Variants in LRP1B observed in about 807,000 individuals in gnomAD.
LRP1B encodes low-density lipoprotein receptor-related protein 1B.
Under a neutral mutation model 556.6 loss-of-function variants are expected in LRP1B, and 217 were observed. The observed-to-expected ratio is 0.39, with a 90% CI of 0.35 to 0.44. The LOEUF (loss-of-function observed/expected upper bound fraction) is 0.44. Ranked by LOEUF, LRP1B falls within the 20% of genes least tolerant of loss-of-function variation. The pLI, the probability that LRP1B is intolerant of heterozygous loss-of-function variation, is 1.00. For missense variants in LRP1B, 5,053 were observed against 5,620.8 expected (o/e 0.90, Z 3.23); for synonymous variants, 2,047 against 1,865.8 (o/e 1.10, Z -2.50).
chr2:141,241,703 G>A (rs1683883507), intron 5 of LRP1B, among the ~76,000 whole-genome samples: 1 of 151,862 alleles, frequency 6.6e-6, no homozygotes, highest in Non-Finnish European at 1.5e-5. Context: ...TCTGCTTCAG[G>A]CATTGAGCTA....
intron 29 of LRP1B, among the ~76,000 whole-genome samples, chr2:140,848,057 A>G (rs942917897): frequency 6.6e-5 from 10 of 152,082 alleles, no homozygotes; most frequent in Non-Finnish European, 1.2e-4. Context: ...TAATTCACAG[A>G]GCCTTTTGGA....
intron 2 of LRP1B, among the ~76,000 whole-genome samples, chr2:141,641,414 A>G (rs74269535): frequency 6.6e-6 from 1 of 152,212 alleles, no homozygotes; most frequent in African/African-American, 2.4e-5. Flanking sequence ...CTTAAAAAAA[A>G]TTAAACACTA....
intron 2 of LRP1B, among the ~76,000 whole-genome samples, chr2:141,712,365 C>T (rs1692393284): frequency 6.7e-6 from 1 of 149,896 alleles, no homozygotes; most frequent in African/African-American, 2.5e-5. Context: ...GGTGACAGAA[C>T]TGAGACCCTG....
chr2:140,523,049 A>T (rs1690251381), intron 49 of LRP1B, among the ~76,000 whole-genome samples: 1 of 152,024 alleles, frequency 6.6e-6, no homozygotes, highest in South Asian at 2.1e-4. Context: ...TGAAATCAGG[A>T]TCATCCTAAT....
chr2:140,687,387 T>C (rs900409201), intron 41 of LRP1B, among the ~76,000 whole-genome samples: 2 of 152,182 alleles, frequency 1.3e-5, no homozygotes, highest in East Asian at 3.8e-4. Flanking sequence ...TTCAATTGAA[T>C]ATGGCAAGAA....
chr2:140,414,331 T>C (rs1182220415), intron 66 of LRP1B, among the ~76,000 whole-genome samples: 1 of 152,204 alleles, frequency 6.6e-6, no homozygotes, highest in Non-Finnish European at 1.5e-5. Flanking sequence ...CAGCTTCCTG[T>C]AATTTCTACA....
intron 1 of LRP1B, among the ~76,000 whole-genome samples, chr2:142,075,169 C>T (rs1037795028): frequency 1.1e-4 from 16 of 151,990 alleles, no homozygotes; most frequent in African/African-American, 3.1e-4. Flanking sequence ...ATAAAAAACA[C>T]AAAAGGGTGG....
intron 3 of LRP1B, among the ~76,000 whole-genome samples, chr2:141,461,638 T>C (rs1681876620): frequency 6.6e-6 from 1 of 152,112 alleles, no homozygotes; most frequent in Non-Finnish European, 1.5e-5. Context: ...GACAGGTAAA[T>C]AAAATATAAA....
chr2:140,404,700 C>G (rs993213113), intron 66 of LRP1B, among the ~76,000 whole-genome samples: 3 of 152,062 alleles, frequency 2.0e-5, no homozygotes, highest in African/African-American at 4.8e-5. Flanking sequence ...ACCTAACACA[C>G]AAGGATTCAT....
chr2:140,927,055 C>T (rs1020124895), intron 20 of LRP1B, among the ~76,000 whole-genome samples: 2 of 152,154 alleles, frequency 1.3e-5, no homozygotes, highest in Non-Finnish European at 2.9e-5. Flanking sequence ...CCTGTACTTC[C>T]AGCACTTTGG....
intron 7 of LRP1B, among the ~76,000 whole-genome samples, chr2:141,181,087 G>C (rs1043216066): frequency 2.0e-5 from 3 of 151,868 alleles, no homozygotes; most frequent in Admixed American, 2.0e-4. Flanking sequence ...ATTCCATGTG[G>C]TTGTCTTATT....
rs140245186 is a variant in LRP1B, at chr2:140,825,811, G to A, written c.5210-12005C>T. Among the ~76,000 whole-genome samples the A allele has an allele frequency of 4.3e-3, 654 of 152,228 alleles. 4 individuals are homozygous for A. The highest frequency in any genetic ancestry group is 0.034 in the Middle Eastern group (10 of 294). On this transcript the variant is annotated intron_variant, in intron 31 of 90. Coordinates refer to ENST00000389484, the MANE Select transcript of LRP1B (RefSeq NM_018557.3). The stretch of plus-strand genomic sequence containing the variant: ...ACTACTACACTTGCAAGGATATACA[G>A]CAGTGGATAAACTACAGAAAGGTTT...
chr2:141,792,543 A>G, intron 2 of LRP1B, among the ~76,000 whole-genome samples: 1 of 152,060 alleles, frequency 6.6e-6, no homozygotes, highest in East Asian at 1.9e-4. Context: ...GCAGACATAC[A>G]TGATGTGCTG....
At chr2:140,953,964 A>G (rs1695796773) in intron 18 of LRP1B, among the ~76,000 whole-genome samples, 1 of 152,146 alleles carries the variant, frequency 6.6e-6, no homozygotes, top group African/African-American at 2.4e-5. Flanking sequence ...CGTTATTTTA[A>G]TCTCCTCATA....
At chr2:142,009,395 G>C (rs76378216) in intron 1 of LRP1B, among the ~76,000 whole-genome samples, 3,809 of 152,138 alleles carry the variant, frequency 0.025, 164 homozygotes, top group East Asian at 0.17. Context: ...TACTGATAAA[G>C]TAGTTGACTC....
At chr2:140,347,528 CATTT>C (rs1681747551) in intron 77 of LRP1B, among the ~76,000 whole-genome samples, 1 of 149,866 alleles carries the variant, frequency 6.7e-6, no homozygotes, top group South Asian at 2.1e-4. Flanking sequence ...CTTCATTTAA[CATTT>C]AGTTGTCTGA....
chr2:141,873,386 C>T (rs751186603), intron 1 of LRP1B, among the ~76,000 whole-genome samples: 2 of 151,880 alleles, frequency 1.3e-5, no homozygotes, highest in African/African-American at 4.8e-5. Flanking sequence ...AATAACTCAA[C>T]CTATTTTTTG....
intron 42 of LRP1B, 124 bp downstream of exon 42, chr2:140,601,326 A>G: frequency 1.1e-6 from 1 of 912,798 alleles, no homozygotes; most frequent in Non-Finnish European, 1.5e-6. Context: ...AAGTTTTATG[A>G]ATTGTGAAAA....
At chr2:141,393,002 T>C (rs1483838839) in intron 3 of LRP1B, among the ~76,000 whole-genome samples, 1 of 152,154 alleles carries the variant, frequency 6.6e-6, no homozygotes, top group Admixed American at 6.6e-5. Flanking sequence ...CCTTGGCTTA[T>C]CATAATTGAA....
Sources: allele counts gnomAD v4.1 joint callset (sites outside exome capture counted in the v4.1 genomes callset), GRCh38; gene constraint gnomAD v4.1.1; transcripts MANE v1.5; gene names NCBI Gene and HGNC (gene_info 2026-07-23, HGNC 2026-07-21).